Variants in VNN1 observed in about 807,000 individuals in gnomAD.
VNN1 encodes the protein vanin 1.
VNN1 carries 29 observed loss-of-function variants against 41.9 expected under a neutral mutation model. The observed-to-expected ratio is 0.69, with a 90% CI of 0.52 to 0.94. The LOEUF is 0.94. VNN1 is among the 40% of genes least tolerant of loss of function. The pLI is 0.00. For synonymous variants in VNN1, 233 were observed against 224.4 expected (o/e 1.04, Z -0.34); for missense variants, 637 against 621.1 (o/e 1.03, Z -0.27).
rs201474673 is a variant in VNN1 at position 132,713,942 on chromosome 6, G to A, written c.94C>T (p.His32Tyr). The stretch of plus-strand genomic sequence containing the variant: ...GTGGCATTGGGCAATATCGCTGCAT[G>A]CTCATAAACAGCTGCAGTGAAAGTG... Reference protein sequence around the residue: ...QDTFTAAVYEHAAILPNATLT... With the variant: ...QDTFTAAVYEYAAILPNATLT... The change falls in exon 1 of 7, where the codon CAT becomes TAT. Residue 32 changes from histidine (H) to tyrosine (Y), a missense_variant. Coordinates refer to ENST00000367928, the MANE Select transcript of VNN1 (RefSeq NM_004666.3). 22 of 1,614,182 alleles carry A rather than the reference G, an allele frequency of 1.4e-5. No homozygotes were observed. Among genetic ancestry groups the A allele is most frequent in the Non-Finnish European group, 1.9e-5 (22 of 1,180,034 alleles).
rs188295403 is a variant in VNN1, at chr6:132,693,808, T to C, written c.534+182A>G. Among the ~76,000 whole-genome samples, 38 of 152,346 alleles carry C rather than the reference T, an allele frequency of 2.5e-4. No homozygotes were observed. The East Asian group carries it at 2.9e-3, about 12-fold the overall frequency. On this transcript the variant is annotated intron_variant, in intron 3 of 6. Transcript: ENST00000367928. Reference sequence around the variant, plus strand: ...CTGAAAACACACTCCTGTGTTCTTATATGTACACGGAACCCCTTAAGCCTC... The same window carrying C: ...CTGAAAACACACTCCTGTGTTCTTACATGTACACGGAACCCCTTAAGCCTC...
intron 5 of VNN1, among the ~76,000 whole-genome samples, chr6:132,690,378 G>A (rs1447663895): frequency 6.6e-6 from 1 of 152,148 alleles, no homozygotes; most frequent in Admixed American, 6.5e-5. Flanking sequence ...ACCTGTTGCT[G>A]TTCCCTGCAG....
chr6:132,706,993 G>A (rs1778527937), intron 2 of VNN1, among the ~76,000 whole-genome samples: 2 of 151,936 alleles, frequency 1.3e-5, no homozygotes, highest in Admixed American at 1.3e-4. Flanking sequence ...TCTGGAGGCT[G>A]AGGCAAGAGG....
chr6:132,711,502 G>T (rs1778598987), intron 2 of VNN1, among the ~76,000 whole-genome samples: 1 of 152,202 alleles, frequency 6.6e-6, no homozygotes, highest in Admixed American at 6.5e-5. Context: ...TGAATGTGAT[G>T]ATTTCTAAGC....
chr6:132,698,011 A>C (rs559567651), intron 2 of VNN1, among the ~76,000 whole-genome samples: 47 of 152,350 alleles, frequency 3.1e-4, no homozygotes, highest in African/African-American at 1.1e-3. Context: ...ATTAGTCTTC[A>C]TGTATTCTAA....
In VNN1 at chr6:132,684,470, T is replaced by C. The variant is rs780596197; in HGVS notation, c.1224A>G (p.Leu408=). The change falls in exon 6 of 7, where the codon TTA becomes TTG. Residue 408 remains leucine (L), a synonymous_variant. Coordinates refer to ENST00000367928, the MANE Select transcript of VNN1 (RefSeq NM_004666.3). ...CTLLKCKTTN[L]NTCGDSAETA... is the part of the protein sequence containing the mutation. ...TTTCAGCTGAGTCACCGCAAGTGTT[T>C]AAATTAGTCGTTTTACATTTCAACA... The C allele has an allele frequency of 1.9e-5, 30 of 1,614,124 alleles. No individual in the cohort carries two copies. Among genetic ancestry groups the C allele is most frequent in the Non-Finnish European group, 2.5e-5 (30 of 1,180,002 alleles).
At chr6:132,684,729 AAAC>A (rs143297364) in intron 5 of VNN1, among the ~76,000 whole-genome samples, 1,693 of 152,344 alleles carry the variant, frequency 0.011, 28 homozygotes, top group African/African-American at 0.038. Flanking sequence ...CTTAAAAAAA[AAAC>A]ATGAGAAAGT....
intron 5 of VNN1, among the ~76,000 whole-genome samples, 173 bp from the exon 6 acceptor site, chr6:132,684,678 TA>T (rs1202931048): frequency 6.6e-6 from 1 of 151,564 alleles, no homozygotes; most frequent in Non-Finnish European, 1.5e-5. Context: ...ATTTTAAAGA[TA>T]AAAAATAGAA....
intron 2 of VNN1, among the ~76,000 whole-genome samples, chr6:132,701,461 T>G (rs1258230561): frequency 6.6e-6 from 1 of 152,194 alleles, no homozygotes; most frequent in Non-Finnish European, 1.5e-5. Flanking sequence ...GGGGAAAAGC[T>G]GAAAGCCTTT....
intron 2 of VNN1, among the ~76,000 whole-genome samples, chr6:132,700,430 T>G (rs1391431354): frequency 2.0e-5 from 3 of 152,152 alleles, no homozygotes; most frequent in African/African-American, 7.2e-5. Context: ...GCTGGCCACA[T>G]GCACAGCCAC....
chr6:132,689,520 A>G (rs946475858), intron 5 of VNN1, among the ~76,000 whole-genome samples: 1 of 152,202 alleles, frequency 6.6e-6, no homozygotes, highest in Non-Finnish European at 1.5e-5. Flanking sequence ...AATACACCTC[A>G]TGATTTCTTT....
At chr6:132,709,768 G>A (rs1271908369) in intron 2 of VNN1, among the ~76,000 whole-genome samples, 1 of 152,096 alleles carries the variant, frequency 6.6e-6, no homozygotes, top group African/African-American at 2.4e-5. Context: ...TTGAAATGAA[G>A]TGAATGGGAC....
intron 5 of VNN1, among the ~76,000 whole-genome samples, chr6:132,686,343 G>C (rs535503901): frequency 6.6e-6 from 1 of 152,286 alleles, no homozygotes; most frequent in South Asian, 2.1e-4. Flanking sequence ...AGCTACTCGG[G>C]AGGCTGAGGC....
rs527297413 is a variant in VNN1, at chr6:132,681,965, C to T, written c.*1175G>A. 2.0e-5 allele frequency: 3 copies of T among 152,484 alleles called. No homozygotes were observed. Among genetic ancestry groups the T allele is most frequent in the South Asian group, 2.1e-4 (1 of 4,826 alleles). The allele number at this position is 152,484 out of a possible 1,614,324, so 9.4% of individuals were successfully genotyped here. A position where few individuals can be genotyped will look rare whatever the true frequency, so the allele number is the denominator to read the frequency against. On this transcript the variant is annotated 3_prime_UTR_variant, in exon 7 of 7. Transcript: ENST00000367928. ...CTGTTATCGGTACTATGTAATTGTC[C>T]ATCATCACAGCACTATGATATTAGT...
chr6:132,694,685 T>A (rs1778342368), intron 2 of VNN1, among the ~76,000 whole-genome samples: 2 of 150,164 alleles, frequency 1.3e-5, no homozygotes, highest in African/African-American at 4.9e-5. Flanking sequence ...CAAGACTGTC[T>A]CTCTACAAAA....
rs762015777 is a variant in VNN1 at position 132,692,575 on chromosome 6, A to T, written c.836T>A (p.Ile279Asn). 3.2e-6 allele frequency: 5 copies of T among 1,570,828 alleles called. No individual in the cohort carries two copies. The Admixed American group carries it at 7.6e-5, about 24-fold the overall frequency. The change falls in exon 5 of 7, where the codon ATC (isoleucine) becomes AAC (asparagine). Residue 279 changes from isoleucine (I) to asparagine (N), a missense_variant. Transcript: ENST00000367928. ...YPSKKMTGSG[I>N]YAPNSSRAFH... The stretch of plus-strand genomic sequence containing the variant: ...TGCTCTTGAAGAATTGGGTGCATAG[A>T]TGCCACTTCCTGGAAGTAATAAGTT...
intron 2 of VNN1, among the ~76,000 whole-genome samples, chr6:132,703,999 C>A (rs1778484427): frequency 6.6e-6 from 1 of 151,930 alleles, no homozygotes; most frequent in Non-Finnish European, 1.5e-5. Flanking sequence ...TCAATTCTGT[C>A]AGAGGATATA....
intron 2 of VNN1, among the ~76,000 whole-genome samples, chr6:132,697,383 T>G (rs986912985): frequency 1.2e-4 from 18 of 152,046 alleles, no homozygotes; most frequent in African/African-American, 4.3e-4. Flanking sequence ...ATTGTTCAAA[T>G]AAGAGGTAAC....
rs1778112069 is a variant in VNN1, at chr6:132,681,064, C to A, written c.*2076G>T. Among the ~76,000 whole-genome samples, 1 of 151,940 alleles carries A rather than the reference C, an allele frequency of 6.6e-6. No homozygotes were observed. The highest frequency in any genetic ancestry group is 2.4e-5 in the African/African-American group (1 of 41,350). Reference sequence around the variant, plus strand: ...CACTATGATAGCATCCAAAATGGCCCCCATGAAGCCCCACCTCCTGATATT... The same window carrying A: ...CACTATGATAGCATCCAAAATGGCCACCATGAAGCCCCACCTCCTGATATT... On this transcript the variant is annotated 3_prime_UTR_variant, in exon 7 of 7. Transcript: ENST00000367928.
Sources: gnomAD v4.1 joint callset for allele counts (sites outside exome capture counted in the v4.1 genomes callset) on GRCh38, gnomAD v4.1.1 for gene constraint, MANE v1.5 for transcripts, NCBI Gene and HGNC (gene_info 2026-07-23, HGNC 2026-07-21) for gene names.